The following ARNT2 variants were observed in gnomAD, a reference collection of about 807,000 sequenced individuals.
ARNT2 encodes the protein ARNT protein 2.
ARNT2 carries 36 observed loss-of-function variants against 91.7 expected under a neutral mutation model. The ratio of observed to expected loss-of-function variants is 0.39; its 90% confidence interval spans 0.30 to 0.52. The LOEUF is 0.52. Among genes scored for constraint, ARNT2 ranks in the 20% least tolerant of loss-of-function variants. The probability of loss-of-function intolerance (pLI) is 0.72; values close to 1 mark genes in which losing one functional copy is unlikely to be tolerated. For missense variants in ARNT2, 775 were observed against 939.3 expected, an observed-to-expected ratio of 0.83 and a Z score of 2.29; for synonymous variants, 365 against 347.1, an observed-to-expected ratio of 1.05 and a Z score of -0.57.
chr15:80,435,445 G>T (rs183196182), intron 1 of ARNT2, among the ~76,000 whole-genome samples: 5 of 152,300 alleles, frequency 3.3e-5, no homozygotes, highest in East Asian at 1.9e-4. Context: ...AGCGGAGGCT[G>T]CATGGGCCTT....
chr15:80,503,471 G>T (rs764443566), intron 5 of ARNT2, among the ~76,000 whole-genome samples: 1 of 152,218 alleles, frequency 6.6e-6, no homozygotes, highest in Non-Finnish European at 1.5e-5. Flanking sequence ...TCAAGGTCAT[G>T]ACAACAGATC....
chr15:80,419,242 G>T (rs1895828843), intron 1 of ARNT2, among the ~76,000 whole-genome samples: 2 of 152,302 alleles, frequency 1.3e-5, no homozygotes, highest in African/African-American at 4.8e-5. Flanking sequence ...GGTGAGATCG[G>T]CATTTCTAAC....
chr15:80,481,401 G>A (rs886672028), intron 5 of ARNT2, among the ~76,000 whole-genome samples: 4 of 152,138 alleles, frequency 2.6e-5, no homozygotes, highest in African/African-American at 9.7e-5. Context: ...GGTGCATGTT[G>A]CATTTATTCT....
At chr15:80,585,006 A>G (rs1898868730) in intron 17 of ARNT2, among the ~76,000 whole-genome samples, 1 of 152,264 alleles carries the variant, frequency 6.6e-6, no homozygotes, top group African/African-American at 2.4e-5. Flanking sequence ...ATAGCTTTGT[A>G]GACTGAGTTT....
At chr15:80,515,106 T>C (rs552928670) in intron 8 of ARNT2, among the ~76,000 whole-genome samples, 3 of 152,310 alleles carry the variant, frequency 2.0e-5, no homozygotes, top group Admixed American at 6.5e-5. Context: ...AAAAGACAGG[T>C]AACAACAAAT....
chr15:80,445,688 C>T (rs1280926159), intron 1 of ARNT2, among the ~76,000 whole-genome samples: 1 of 151,930 alleles, frequency 6.6e-6, no homozygotes, highest in Non-Finnish European at 1.5e-5. Context: ...GGTCTGCACT[C>T]CCTCCTGAGA....
In ARNT2 at chr15:80,581,314, C is replaced by A; in HGVS notation, c.1828C>A (p.Pro610Thr). The change falls in exon 17 of 19, where the codon CCC (proline) becomes ACC (threonine). Residue 610 changes from proline to threonine, a missense_variant. Pro to Thr is a conservative substitution (Grantham distance 38, BLOSUM62 -1). Around this residue, in one of 5 missense-constraint regions of ARNT2, gnomAD observed 325 missense variants for 359.9 expected, o/e 0.90. Coordinates refer to ENST00000303329, the MANE Select transcript of ARNT2 (RefSeq NM_014862.4). ...IGTSHTYPAD[P>T]SSYSPLSSPA... The stretch of plus-strand genomic sequence containing the variant: ...AACGAGCCACACCTACCCGGCAGAC[C>A]CCTCTTCCTACAGCCCCCTCTCCAG... 1 of 1,614,192 alleles carries A rather than the reference C, an allele frequency of 6.2e-7. No individual in the cohort carries two copies. Among genetic ancestry groups the A allele is most frequent in the Non-Finnish European group, 8.5e-7 (1 of 1,180,024 alleles).
chr15:80,582,944 G>A (rs1170668758), intron 17 of ARNT2, among the ~76,000 whole-genome samples: 4 of 152,156 alleles, frequency 2.6e-5, no homozygotes, highest in Non-Finnish European at 4.4e-5. Context: ...ACCTCCTCCT[G>A]AAGGTGGGCC....
chr15:80,569,178 A>G (rs972791057), intron 12 of ARNT2, among the ~76,000 whole-genome samples: 3 of 152,126 alleles, frequency 2.0e-5, no homozygotes, highest in African/African-American at 7.2e-5. Flanking sequence ...CTTCTTGCTC[A>G]CTTACTCAGG....
At chr15:80,427,365 A>G (rs1381449939) in intron 1 of ARNT2, among the ~76,000 whole-genome samples, 1 of 152,114 alleles carries the variant, frequency 6.6e-6, no homozygotes. Flanking sequence ...TGAATCCTGT[A>G]TTGGACTGTC....
At chr15:80,557,978 GGC>G (rs1387993629) in intron 11 of ARNT2, among the ~76,000 whole-genome samples, 1 of 152,160 alleles carries the variant, frequency 6.6e-6, no homozygotes, top group Non-Finnish European at 1.5e-5. Flanking sequence ...ATGTATACCT[GGC>G]CCCGTCTCAT....
chr15:80,487,011 T>C (rs1276598158), intron 5 of ARNT2, among the ~76,000 whole-genome samples: 1 of 152,190 alleles, frequency 6.6e-6, no homozygotes, highest in Non-Finnish European at 1.5e-5. Context: ...TGGAGTAGGC[T>C]GAAGCTACCC....
chr15:80,443,741 G>C (rs1036489218), intron 1 of ARNT2, among the ~76,000 whole-genome samples: 1 of 152,178 alleles, frequency 6.6e-6, no homozygotes, highest in African/African-American at 2.4e-5. Context: ...TTGAGACAGA[G>C]CAGGGGGCCA....
At chr15:80,411,267 T>C (rs538486443) in intron 1 of ARNT2, among the ~76,000 whole-genome samples, 28 of 152,348 alleles carry the variant, frequency 1.8e-4, no homozygotes, top group Non-Finnish European at 3.8e-4. Flanking sequence ...GATACCTGAC[T>C]GGAAGCCCTG....
chr15:80,495,833 T>C (rs1253324934), intron 5 of ARNT2, among the ~76,000 whole-genome samples: 2 of 152,162 alleles, frequency 1.3e-5, no homozygotes, highest in Non-Finnish European at 2.9e-5. Flanking sequence ...CTCTGAGCCC[T>C]TTACTTGGGG....
At chr15:80,476,843 T>A (rs1487471396) in intron 5 of ARNT2, among the ~76,000 whole-genome samples, 2 of 152,224 alleles carry the variant, frequency 1.3e-5, no homozygotes, top group Non-Finnish European at 2.9e-5. Flanking sequence ...TTCTCACTGA[T>A]ATGGTTTAGA....
intron 8 of ARNT2, among the ~76,000 whole-genome samples, chr15:80,521,477 C>T (rs1239860661): frequency 1.3e-5 from 2 of 151,992 alleles, no homozygotes; most frequent in Admixed American, 1.3e-4. Flanking sequence ...CATGACTACA[C>T]AAATAAATCA....
intron 4 of ARNT2, 94 bp downstream of exon 4, chr15:80,470,525 G>A: frequency 7.3e-7 from 1 of 1,368,798 alleles, no homozygotes; most frequent in Non-Finnish European, 1.0e-6. Flanking sequence ...GCTCAAGGTT[G>A]AGGAAGGAAT....
At chr15:80,554,838 A>G in intron 10 of ARNT2, 1 of 462,858 alleles carries the variant, frequency 2.2e-6, no homozygotes, top group East Asian at 3.2e-5. Flanking sequence ...TAGCAAAATT[A>G]GAAATGGATA....
Sources: allele counts gnomAD v4.1 joint callset (sites outside exome capture counted in the v4.1 genomes callset), GRCh38; gene constraint gnomAD v4.1.1; regional missense constraint gnomAD v4.1.1; transcripts MANE v1.5; gene names NCBI Gene and HGNC (gene_info 2026-07-23, HGNC 2026-07-21).